The following MORC1 variants were observed in gnomAD, a reference collection of about 807,000 sequenced individuals.
MORC1 encodes the protein MORC family CW-type zinc finger protein 1.
MORC1 carries 59 observed loss-of-function variants against 134.9 expected under a neutral mutation model. That is an observed-to-expected ratio of 0.44 (90% CI 0.35 to 0.54). The LOEUF is 0.54. Among genes scored for constraint, MORC1 ranks in the 20% least tolerant of loss-of-function variants. The pLI is 0.00. For synonymous variants in MORC1, 395 were observed against 391.7 expected (o/e 1.01, Z -0.10); for missense variants, 947 against 1,134.5 (o/e 0.83, Z 2.37).
At chr3:108,989,956 G>A (rs1045582281) in intron 21 of MORC1, among the ~76,000 whole-genome samples, 3 of 152,122 alleles carry the variant, frequency 2.0e-5, no homozygotes, top group Non-Finnish European at 2.9e-5. Context: ...CCTGGTGGGA[G>A]GTAATTGAGT....
chr3:109,092,991 T>C (rs1950760268), intron 8 of MORC1, among the ~76,000 whole-genome samples: 1 of 152,218 alleles, frequency 6.6e-6, no homozygotes, highest in African/African-American at 2.4e-5. Context: ...CTTCACACTA[T>C]CCTAATGTCT....
intron 21 of MORC1, among the ~76,000 whole-genome samples, chr3:108,990,838 G>A (rs1948033778): frequency 6.6e-6 from 1 of 151,594 alleles, no homozygotes; most frequent in African/African-American, 2.4e-5. Flanking sequence ...GGGTGGTGTG[G>A]GTAGTGGAGT....
At chr3:109,054,701 C>T (rs1949915156) in intron 14 of MORC1, 27 bp downstream of exon 14, 1 of 1,484,332 alleles carries the variant, frequency 6.7e-7, no homozygotes, top group African/African-American at 1.5e-5. Context: ...CTGTAAGTAT[C>T]TCCTACTATG....
intron 8 of MORC1, among the ~76,000 whole-genome samples, chr3:109,073,913 T>A (rs1559937274): frequency 6.6e-6 from 1 of 152,160 alleles, no homozygotes; most frequent in Non-Finnish European, 1.5e-5. Flanking sequence ...AGAGGTAATT[T>A]TTTTAAAAAA....
intron 8 of MORC1, among the ~76,000 whole-genome samples, chr3:109,082,198 G>C (rs542426797): frequency 6.7e-6 from 1 of 150,172 alleles, no homozygotes; most frequent in East Asian, 2.1e-4. Flanking sequence ...GCCAACCTGG[G>C]TTATAGCACC....
At chr3:108,975,337 T>C (rs952128781) in intron 24 of MORC1, among the ~76,000 whole-genome samples, 1 of 152,228 alleles carries the variant, frequency 6.6e-6, no homozygotes, top group African/African-American at 2.4e-5. Context: ...TTTCATGGCC[T>C]TTTCCTTTAA....
chr3:109,036,267 T>A (rs1049412593), intron 14 of MORC1, among the ~76,000 whole-genome samples: 2 of 152,132 alleles, frequency 1.3e-5, no homozygotes, highest in African/African-American at 4.8e-5. Context: ...GTTAAAGTTT[T>A]AATTTTTTAA....
At chr3:109,114,686 T>C (rs932559432) in intron 1 of MORC1, among the ~76,000 whole-genome samples, 31 of 152,188 alleles carry the variant, frequency 2.0e-4, no homozygotes, top group Non-Finnish European at 2.6e-4. Context: ...TTAAGGGCCT[T>C]AGTATCTATC....
intron 14 of MORC1, among the ~76,000 whole-genome samples, chr3:109,047,394 G>A (rs556274915): frequency 7.9e-5 from 12 of 152,154 alleles, no homozygotes; most frequent in East Asian, 1.9e-4. Flanking sequence ...TGAGATCCTC[G>A]GAGATATTTT....
intron 22 of MORC1, among the ~76,000 whole-genome samples, chr3:108,985,114 T>C (rs1161217503): frequency 6.6e-6 from 1 of 152,100 alleles, no homozygotes; most frequent in African/African-American, 2.4e-5. Flanking sequence ...AAGACAACCA[T>C]CTTCCCCCAA....
rs564173505 is a variant in MORC1, at chr3:108,989,045, T to C, written c.2188-2096A>G. Among the ~76,000 whole-genome samples, 3 of 152,304 alleles carry C rather than the reference T, an allele frequency of 2.0e-5. No homozygotes were observed. In the South Asian group the frequency reaches 6.2e-4, roughly 32 times the overall value. ...TGGATAAATGATTTAAAGCCTACAG[T>C]ATTTTCTTTGAAATAACATTGTGTA... On this transcript the variant is annotated intron_variant, in intron 21 of 27. Coordinates refer to ENST00000232603, the MANE Select transcript of MORC1 (RefSeq NM_014429.4).
intron 16 of MORC1, among the ~76,000 whole-genome samples, chr3:109,030,265 ATCCAAG>A (rs1398091258): frequency 7.2e-5 from 11 of 152,232 alleles, no homozygotes; most frequent in Admixed American, 5.9e-4. Context: ...AAGTGATTCT[ATCCAAG>A]TCCAATGGCA....
intron 14 of MORC1, among the ~76,000 whole-genome samples, chr3:109,037,448 G>A (rs1329775451): frequency 1.3e-5 from 2 of 152,160 alleles, no homozygotes; most frequent in Non-Finnish European, 2.9e-5. Context: ...GTGTTTGTGT[G>A]TTTTTAATTA....
intron 14 of MORC1, among the ~76,000 whole-genome samples, chr3:109,049,951 TG>T (rs1949783387): frequency 2.6e-5 from 4 of 152,194 alleles, no homozygotes; most frequent in Admixed American, 6.5e-5. Context: ...TTCTTGAACT[TG>T]GAAGTGTTAG....
In MORC1 at chr3:108,969,530, C is replaced by T. The variant is rs1326751549; in HGVS notation, c.2604+139G>A. 6 of 769,662 alleles carry T rather than the reference C, an allele frequency of 7.8e-6. No homozygotes were observed. In the Admixed American group the frequency reaches 1.3e-4, roughly 17 times the overall value. The allele number at this position is 769,662 out of a possible 1,614,324, so 47.7% of individuals were successfully genotyped here. ...ATGTTGCTTTATGACACCTGATAAGCTATACATTAATCTAAGTCTCGATAA... is the reference window on the plus strand; with the variant it reads ...ATGTTGCTTTATGACACCTGATAAGTTATACATTAATCTAAGTCTCGATAA... On this transcript the variant is annotated intron_variant, in intron 26 of 27. Transcript: ENST00000232603.
At chr3:109,100,586 A>T in intron 4 of MORC1, 79 bp from the exon 5 acceptor site, 1 of 1,065,050 alleles carries the variant, frequency 9.4e-7, no homozygotes, top group South Asian at 1.3e-5. Flanking sequence ...AGGACCTCAC[A>T]TTCCTCAGAA....
intron 21 of MORC1, among the ~76,000 whole-genome samples, chr3:108,989,674 T>A (rs1054198177): frequency 3.3e-5 from 5 of 152,146 alleles, no homozygotes; most frequent in Non-Finnish European, 7.4e-5. Flanking sequence ...AAGCACTTAT[T>A]ATTATGAAGG....
chr3:109,051,404 A>G (rs1290410832), intron 14 of MORC1, among the ~76,000 whole-genome samples: 1 of 152,232 alleles, frequency 6.6e-6, no homozygotes, highest in Non-Finnish European at 1.5e-5. Context: ...CAAATATTAT[A>G]TAACTTTGGT....
intron 9 of MORC1, among the ~76,000 whole-genome samples, chr3:109,066,818 G>T (rs953614320): frequency 1.4e-4 from 21 of 152,306 alleles, no homozygotes; most frequent in African/African-American, 4.8e-4. Context: ...GTGGAGAAGA[G>T]TAAGACTCAA....
Sources: allele counts gnomAD v4.1 joint callset (sites outside exome capture counted in the v4.1 genomes callset), GRCh38; gene constraint gnomAD v4.1.1; transcripts MANE v1.5; gene names NCBI Gene and HGNC (gene_info 2026-07-23, HGNC 2026-07-21).